UMAD1: variants seen among roughly 807,000 people sequenced by gnomAD.
UMAD1 encodes UBAP1-MVB12-associated (UMA) domain containing 1.
A neutral mutation model predicts 6.1 loss-of-function variants in UMAD1; 8 were observed. The observed-to-expected ratio is 1.30, with a 90% CI of 0.76 to 2.35. The LOEUF (loss-of-function observed/expected upper bound fraction) is 2.35, where lower values mean the gene tolerates loss of function less well. Ranked by LOEUF, UMAD1 falls within the 30% of genes most tolerant of loss-of-function variation. UMAD1 has a pLI of 0.00. For missense variants in UMAD1, 130 were observed against 78.4 expected, an observed-to-expected ratio of 1.66 and a Z score of -2.49; for synonymous variants, 56 against 31.4, an observed-to-expected ratio of 1.78 and a Z score of -2.61.
At chr7:7,682,751 C>G (rs906668346) in intron 2 of UMAD1, among the ~76,000 whole-genome samples, 5 of 152,178 alleles carry the variant, frequency 3.3e-5, no homozygotes, top group African/African-American at 1.2e-4. Flanking sequence ...TCGGGATATC[C>G]AGAAAAACTC....
chr7:7,798,681 A>G (rs927423198), intron 2 of UMAD1, among the ~76,000 whole-genome samples: 1 of 152,162 alleles, frequency 6.6e-6, no homozygotes, highest in Non-Finnish European at 1.5e-5. Flanking sequence ...CTCAGAGTCT[A>G]GTTTCCTCCC....
intron 3 of UMAD1, among the ~76,000 whole-genome samples, chr7:7,818,418 T>C (rs1783173953): frequency 6.6e-6 from 1 of 152,044 alleles, no homozygotes; most frequent in Non-Finnish European, 1.5e-5. Context: ...GAAAAAAAGC[T>C]CAACATCACT....
chr7:7,775,889 G>A (rs919104571), intron 2 of UMAD1, among the ~76,000 whole-genome samples: 1 of 152,150 alleles, frequency 6.6e-6, no homozygotes, highest in Non-Finnish European at 1.5e-5. Context: ...GGATAGCAAA[G>A]TGGTTGCCTG....
intron 2 of UMAD1, among the ~76,000 whole-genome samples, chr7:7,771,503 G>A (rs753375405): frequency 1.6e-4 from 25 of 152,064 alleles, no homozygotes; most frequent in Non-Finnish European, 3.4e-4. Flanking sequence ...AATAATCATT[G>A]GCTGCTAGCA....
At chr7:7,849,187 A>T (rs1783867250) in intron 3 of UMAD1, among the ~76,000 whole-genome samples, 1 of 152,176 alleles carries the variant, frequency 6.6e-6, no homozygotes, top group African/African-American at 2.4e-5. Flanking sequence ...TTCAATCCTC[A>T]CATCTTACAA....
At chr7:7,777,091 TG>T in intron 2 of UMAD1, among the ~76,000 whole-genome samples, 1 of 152,168 alleles carries the variant, frequency 6.6e-6, no homozygotes, top group Non-Finnish European at 1.5e-5. Context: ...ATTTTCAAGG[TG>T]GTATGCAGCT....
chr7:7,875,544 A>G (rs1235949978), intron 3 of UMAD1, among the ~76,000 whole-genome samples: 5 of 152,262 alleles, frequency 3.3e-5, no homozygotes, highest in Non-Finnish European at 7.3e-5. Flanking sequence ...AACTACCATC[A>G]GAGAATACTA....
intron 1 of UMAD1, among the ~76,000 whole-genome samples, chr7:7,655,063 A>G (rs1785309599): frequency 6.6e-6 from 1 of 152,156 alleles, no homozygotes; most frequent in African/African-American, 2.4e-5. Flanking sequence ...TTGCTATGCT[A>G]GCAGGATTTA....
At chr7:7,785,312 G>A (rs1340598709) in intron 2 of UMAD1, among the ~76,000 whole-genome samples, 1 of 152,174 alleles carries the variant, frequency 6.6e-6, no homozygotes, top group Non-Finnish European at 1.5e-5. Flanking sequence ...AGTGGAAAGA[G>A]GTGACATGGA....
At chr7:7,756,209 C>T (rs1396477315) in intron 2 of UMAD1, among the ~76,000 whole-genome samples, 1 of 152,098 alleles carries the variant, frequency 6.6e-6, no homozygotes, top group Admixed American at 6.5e-5. Flanking sequence ...AGGCAAGTAA[C>T]CACCCCAGTT....
intron 3 of UMAD1, among the ~76,000 whole-genome samples, chr7:7,874,666 A>C (rs67462815): frequency 0.23 from 34,522 of 152,076 alleles, 4,298 homozygotes; most frequent in African/African-American, 0.24. Flanking sequence ...AAAATACAAA[A>C]AGTAGCTGGA....
chr7:7,767,732 G>A (rs1782017704), intron 2 of UMAD1, among the ~76,000 whole-genome samples: 1 of 152,114 alleles, frequency 6.6e-6, no homozygotes, highest in African/African-American at 2.4e-5. Flanking sequence ...ATTCTTTGAG[G>A]TAGATACCAT....
chr7:7,821,360 T>A (rs774669236), intron 3 of UMAD1, among the ~76,000 whole-genome samples: 8 of 152,232 alleles, frequency 5.3e-5, no homozygotes, highest in Non-Finnish European at 8.8e-5. Flanking sequence ...ATTAGTTACA[T>A]GTTGCCATGA....
At chr7:7,688,357 A>G (rs761645267) in intron 2 of UMAD1, among the ~76,000 whole-genome samples, 18 of 152,154 alleles carry the variant, frequency 1.2e-4, no homozygotes, top group Non-Finnish European at 2.5e-4. Flanking sequence ...AGAAAGTAGA[A>G]TGTGAGAACC....
intron 3 of UMAD1, among the ~76,000 whole-genome samples, chr7:7,859,007 C>T (rs1044633292): frequency 2.0e-5 from 3 of 152,120 alleles, no homozygotes; most frequent in African/African-American, 7.2e-5. Context: ...AAAATACCCC[C>T]CAGCAAACTG....
chr7:7,683,966 C>G (rs572760262), intron 2 of UMAD1, among the ~76,000 whole-genome samples: 5 of 152,308 alleles, frequency 3.3e-5, no homozygotes, highest in African/African-American at 9.6e-5. Flanking sequence ...CCCTTGGTAT[C>G]TGTGGGAAAT....
At chr7:7,742,104 T>C (rs1781481969) in intron 2 of UMAD1, 2 of 588,560 alleles carry the variant, frequency 3.4e-6, no homozygotes, top group African/African-American at 1.8e-5. Context: ...TGATGAAAGT[T>C]TGGCAACATC....
intron 2 of UMAD1, among the ~76,000 whole-genome samples, chr7:7,688,927 T>C (rs564132782): frequency 2.6e-5 from 4 of 152,324 alleles, no homozygotes; most frequent in African/African-American, 9.6e-5. Context: ...AATAAGTCTT[T>C]GTTAACTTAT....
intron 2 of UMAD1, among the ~76,000 whole-genome samples, chr7:7,755,756 A>G (rs1274765398): frequency 6.6e-6 from 1 of 152,228 alleles, no homozygotes; most frequent in African/African-American, 2.4e-5. Flanking sequence ...AATGACTACC[A>G]AAAACATGCT....
Sources: gnomAD v4.1 joint callset for allele counts (sites outside exome capture counted in the v4.1 genomes callset) on GRCh38, gnomAD v4.1.1 for gene constraint, MANE v1.5 for transcripts, NCBI Gene and HGNC (gene_info 2026-07-23, HGNC 2026-07-21) for gene names.